EPHA4: variants seen among roughly 807,000 people sequenced by gnomAD.
EPHA4 encodes EPH receptor A4.
In EPHA4, 19 loss-of-function variants were observed where a neutral mutation model predicts 108.3. The observed-to-expected ratio is 0.18, with a 90% CI of 0.12 to 0.26. EPHA4 has a LOEUF of 0.26. Ranked by LOEUF, EPHA4 falls within the 10% of genes least tolerant of loss-of-function variation. EPHA4 has a pLI of 1.00. For missense variants in EPHA4, 917 were observed against 1,254.0 expected (o/e 0.73, Z 4.06); for synonymous variants, 449 against 455.5 (o/e 0.99, Z 0.18).
chr2:221,430,330 G>A (rs1196509403), intron 14 of EPHA4, among the ~76,000 whole-genome samples, 179 bp from the exon 15 acceptor site: 1 of 152,188 alleles, frequency 6.6e-6, no homozygotes, highest in Admixed American at 6.5e-5. Context: ...ACAGGAGAGG[G>A]AAGCCAGCTG....
At position 221,419,646 on chromosome 2, in the gene EPHA4, A is replaced by G. The variant is rs1031524044; in HGVS notation, c.*1726T>C. On this transcript the variant is annotated 3_prime_UTR_variant, in exon 18 of 18. Coordinates refer to ENST00000281821, the MANE Select transcript of EPHA4 (RefSeq NM_004438.5). ...ATTTTGATGATGGGTTGTCACCTGA[A>G]TGGATTTATATTTTAAATTACTTCA... 2.0e-5 allele frequency: 3 copies of G among 152,594 alleles called. No homozygotes were observed. The highest frequency in any genetic ancestry group is 7.2e-5 in the African/African-American group (3 of 41,448). 9.5% of individuals were successfully genotyped at this position (152,594 alleles called of 1,614,324 possible).
chr2:221,517,076 G>A (rs752327082), intron 3 of EPHA4, among the ~76,000 whole-genome samples: 35 of 152,154 alleles, frequency 2.3e-4, no homozygotes, highest in Non-Finnish European at 4.1e-4. Context: ...TGACTGGCAC[G>A]GCCTGTGTTT....
chr2:221,536,317 C>A (rs1693666673), intron 3 of EPHA4, among the ~76,000 whole-genome samples: 1 of 152,144 alleles, frequency 6.6e-6, no homozygotes, highest in Non-Finnish European at 1.5e-5. Flanking sequence ...GTATTGTATT[C>A]CTCTAAAGAT....
chr2:221,450,832 C>G lies in EPHA4; in HGVS notation c.1716-4651G>C, dbSNP rs192909572. 1.5e-4 allele frequency among the ~76,000 whole-genome samples: 23 copies of G among 152,296 alleles called. 1 individual carries two copies. The highest frequency in any genetic ancestry group is 1.1e-3 in the Admixed American group (17 of 15,302). On this transcript the variant is annotated intron_variant, in intron 8 of 17. Coordinates refer to ENST00000281821, the MANE Select transcript of EPHA4 (RefSeq NM_004438.5). ...TGCCTGGTTATCAGTAATACTTTCC[C>G]TCACTACCAAGTTATCCTTTAAGAA... is the stretch of plus-strand genomic sequence containing the variant.
chr2:221,569,379 T>C (rs1177645744), intron 1 of EPHA4: 1 of 151,886 alleles, frequency 6.6e-6, no homozygotes, highest in African/African-American at 2.4e-5. Flanking sequence ...ACGTGCAGAA[T>C]CAGAATGCAA....
At chr2:221,561,115 G>A (rs1283875642) in intron 3 of EPHA4, among the ~76,000 whole-genome samples, 1 of 151,938 alleles carries the variant, frequency 6.6e-6, no homozygotes, top group Non-Finnish European at 1.5e-5. Context: ...GGTGGCGGGC[G>A]CCTGTAGTCC....
chr2:221,547,412 G>C (rs1205516977), intron 3 of EPHA4, among the ~76,000 whole-genome samples: 1 of 152,186 alleles, frequency 6.6e-6, no homozygotes, highest in Non-Finnish European at 1.5e-5. Context: ...CTTTTCTCAA[G>C]TTGGGTCTAT....
At chr2:221,472,562 T>C (rs1691520095) in intron 5 of EPHA4, among the ~76,000 whole-genome samples, 1 of 152,168 alleles carries the variant, frequency 6.6e-6, no homozygotes. Flanking sequence ...AAAAGGTTCC[T>C]AGACAAGAAT....
intron 3 of EPHA4, among the ~76,000 whole-genome samples, chr2:221,528,897 C>T (rs1693418735): frequency 6.6e-6 from 1 of 152,170 alleles, no homozygotes; most frequent in Non-Finnish European, 1.5e-5. Context: ...GTCCGACATA[C>T]TCTCTAACAC....
At chr2:221,535,232 A>T (rs1386779431) in intron 3 of EPHA4, among the ~76,000 whole-genome samples, 1 of 152,220 alleles carries the variant, frequency 6.6e-6, no homozygotes, top group Non-Finnish European at 1.5e-5. Context: ...AGAACCACCT[A>T]GGAGCTTGTG....
At chr2:221,553,150 C>T (rs910692642) in intron 3 of EPHA4, among the ~76,000 whole-genome samples, 3 of 152,182 alleles carry the variant, frequency 2.0e-5, no homozygotes, top group Non-Finnish European at 2.9e-5. Context: ...AGGGATAAGA[C>T]TACAAGACAT....
intron 4 of EPHA4, among the ~76,000 whole-genome samples, chr2:221,494,126 C>A (rs532861305): frequency 2.0e-4 from 30 of 152,186 alleles, no homozygotes; most frequent in African/African-American, 7.0e-4. Context: ...TAAAGAGCAC[C>A]CAAAAGCACA....
At chr2:221,488,209 C>T (rs1048014885) in intron 4 of EPHA4, among the ~76,000 whole-genome samples, 1 of 152,068 alleles carries the variant, frequency 6.6e-6, no homozygotes, top group African/African-American at 2.4e-5. Flanking sequence ...CAGACCATTT[C>T]GTGCTATTGA....
intron 3 of EPHA4, among the ~76,000 whole-genome samples, chr2:221,553,122 A>G (rs1451570667): frequency 1.3e-5 from 2 of 152,256 alleles, no homozygotes; most frequent in African/African-American, 2.4e-5. Context: ...TTATTATTTC[A>G]TCAGTGAAAC....
At chr2:221,569,619 C>G (rs1010423287) in intron 1 of EPHA4, 4 of 152,136 alleles carry the variant, frequency 2.6e-5, no homozygotes, top group African/African-American at 9.7e-5. Context: ...AGGGGAACAT[C>G]CAAAGGGACG....
chr2:221,572,367 C>G, upstream of EPHA4: 1 of 864,796 alleles, frequency 1.2e-6, no homozygotes, highest in Non-Finnish European at 1.8e-6. Flanking sequence ...GTGACGTGAG[C>G]CCGCCAGTCC....
intron 3 of EPHA4, among the ~76,000 whole-genome samples, chr2:221,521,984 TAAAAACAAACAAACAA>T (rs1473513732): frequency 1.3e-5 from 2 of 151,370 alleles, no homozygotes; most frequent in East Asian, 1.9e-4. Context: ...CTCAATAAAT[TAAAAACAAACAAACAA>T]AAAAACAAAT....
chr2:221,473,989 C>G (rs1010014154), intron 5 of EPHA4, among the ~76,000 whole-genome samples: 1 of 152,110 alleles, frequency 6.6e-6, no homozygotes, highest in African/African-American at 2.4e-5. Flanking sequence ...GGAAAGGACT[C>G]AGGAAAAATA....
Position 221,456,688 on chromosome 2 carries a change from C to T in EPHA4, c.1528G>A (p.Val510Ile). ...GCTGTCCTGGCTCGCACGTGGAAAACATAGGAAGTGAGAGGGTTCAGGCCT... is the reference window on the plus strand; with the variant it reads ...GCTGTCCTGGCTCGCACGTGGAAAATATAGGAAGTGAGAGGGTTCAGGCCT... ...IKGLNPLTSY[V>I]FHVRARTAAG... Residue 510 changes from valine (V) to isoleucine (I), a missense_variant, in exon 7 of 18, where the codon GTT becomes ATT. By Grantham distance (29) the Val-to-Ile change is conservative. Transcript: ENST00000281821. The T allele has an allele frequency of 7.4e-6, 12 of 1,613,954 alleles. No homozygotes were observed. The highest frequency in any genetic ancestry group is 1.3e-5 in the African/African-American group (1 of 75,010).
Sources: allele counts gnomAD v4.1 joint callset (sites outside exome capture counted in the v4.1 genomes callset), GRCh38; gene constraint gnomAD v4.1.1; transcripts MANE v1.5; gene names NCBI Gene and HGNC (gene_info 2026-07-23, HGNC 2026-07-21).